The following POLR2B variants were observed in gnomAD, a reference collection of about 807,000 sequenced individuals.
POLR2B encodes the protein RNA polymerase II subunit B, also known as DNA-directed RNA polymerase II subunit RPB2.
POLR2B carries 57 observed loss-of-function variants against 144.6 expected under a neutral mutation model. The observed-to-expected ratio is 0.39, with a 90% CI of 0.32 to 0.49. The LOEUF is 0.49. POLR2B is among the 20% of genes least tolerant of loss of function. POLR2B has a pLI of 0.83. For synonymous variants in POLR2B, 442 were observed against 469.8 expected, an observed-to-expected ratio of 0.94 and a Z score of 0.77; for missense variants, 595 against 1,467.4, an observed-to-expected ratio of 0.41 and a Z score of 9.71.
At chr4:56,992,464 CA>C (rs1209234628) in intron 3 of POLR2B, among the ~76,000 whole-genome samples, 1,573 of 16,894 alleles carry the variant, frequency 0.093, no homozygotes, top group Middle Eastern at 0.25. Context: ...GACTCTGTCT[CA>C]AAAAAAAAAA....
At position 57,015,650 on chromosome 4, in the gene POLR2B, A is replaced by G. The variant is rs766380736; in HGVS notation, c.1949A>G (p.Asn650Ser). Residue 650 changes from asparagine (N) to serine (S), a missense_variant, in exon 14 of 25, where the codon AAC becomes AGC. Transcript: ENST00000314595. ...CAATTGAAAGAGAGAGAATATAACA[A>G]CTATAGGTAAAAACATGCAGTGAGA... is the stretch of plus-strand genomic sequence containing the variant. ...IDQLKEREYN[N>S]YSWQDLVASG... 1 of 1,403,698 alleles carries G rather than the reference A, an allele frequency of 7.1e-7. No individual in the cohort carries two copies. The highest frequency in any genetic ancestry group is 1.8e-5 in the South Asian group (1 of 54,364). 87.0% of individuals were successfully genotyped at this position (1,403,698 alleles called of 1,614,324 possible).
chr4:57,017,362 C>T lies in POLR2B; in HGVS notation c.2154+121C>T, dbSNP rs1418646550. ...TTAATGAAAAGGCTATTAACTCCTA[C>T]GGAATCAGTATTTGATATAATTGCT... On this transcript the variant is annotated intron_variant, in intron 15 of 24. Transcript: ENST00000314595. This position sits in a 1 kb window ranked among gnomAD's most constrained non-coding sequence, Gnocchi z 4.8. The T allele has an allele frequency of 1.4e-5, 11 of 806,548 alleles. No homozygotes were observed. Among genetic ancestry groups the T allele is most frequent in the Admixed American group, 2.4e-5 (1 of 40,862 alleles). The allele number at this position is 806,548 out of a possible 1,614,324, so 50.0% of individuals were successfully genotyped here.
At chr4:57,003,165 C>T in intron 7 of POLR2B, among the ~76,000 whole-genome samples, 1 of 152,206 alleles carries the variant, frequency 6.6e-6, no homozygotes, top group East Asian at 1.9e-4. Flanking sequence ...GGTGCGGTGG[C>T]TCACGCCTGT....
At chr4:56,983,946 C>A (rs1722237966) in intron 1 of POLR2B, among the ~76,000 whole-genome samples, 1 of 151,766 alleles carries the variant, frequency 6.6e-6, no homozygotes, top group Non-Finnish European at 1.5e-5. Flanking sequence ...CTCATTGCAA[C>A]CTCCACCTTC....
chr4:56,981,522 C>T (rs1722157331), intron 1 of POLR2B, among the ~76,000 whole-genome samples: 1 of 152,202 alleles, frequency 6.6e-6, no homozygotes, highest in Admixed American at 6.5e-5. Context: ...ATTTTGCATT[C>T]TTATTAGCAA....
rs372071396 is a variant in POLR2B, at chr4:57,015,538, C to T, written c.1837C>T (p.Arg613Trp). 3.5e-6 allele frequency: 5 copies of T among 1,421,958 alleles called. No individual in the cohort carries two copies. In the African/African-American group the frequency reaches 4.3e-5, roughly 12 times the overall value. The allele number at this position is 1,421,958 out of a possible 1,614,324, so 88.1% of individuals were successfully genotyped here. Reference protein sequence around the residue: ...MIRDIREREIRIYTDAGRICR... With the variant: ...MIRDIREREIWIYTDAGRICR... ...CAGAGATATTCGAGAGAGGGAGATT[C>T]GGATCTATACGGATGCAGGCCGTAT... Residue 613 changes from arginine to tryptophan, a missense_variant, in exon 14 of 25, where the codon CGG becomes TGG. Transcript: ENST00000314595.
chr4:56,988,257 A>G (rs1297701470), intron 2 of POLR2B, among the ~76,000 whole-genome samples: 1 of 151,994 alleles, frequency 6.6e-6, no homozygotes, highest in Non-Finnish European at 1.5e-5. Context: ...GGCCAAGGAG[A>G]TGGACGAGGA....
In POLR2B at chr4:57,025,545, C is replaced by A; in HGVS notation, c.3239+8C>A. ...CATGGAGGGTAGATCTCGGTAAGAA[C>A]TGTATCATCATCATTATTATTAATT... On this transcript the variant is annotated splice_region_variant and intron_variant, in intron 23 of 24. Transcript: ENST00000314595. The A allele has an allele frequency of 6.5e-7, 1 of 1,540,632 alleles. No individual in the cohort carries two copies. Among genetic ancestry groups the A allele is most frequent in the Non-Finnish European group, 8.9e-7 (1 of 1,117,944 alleles).
At chr4:57,028,516 T>G (rs1033063810) in intron 23 of POLR2B, among the ~76,000 whole-genome samples, 2 of 152,164 alleles carry the variant, frequency 1.3e-5, no homozygotes, top group African/African-American at 4.8e-5. Context: ...CTATTTATTT[T>G]CACTGCTTCA....
At chr4:57,028,535 A>AT (rs769113728) in intron 23 of POLR2B, among the ~76,000 whole-genome samples, 8 of 152,148 alleles carry the variant, frequency 5.3e-5, no homozygotes, top group Non-Finnish European at 1.0e-4. Flanking sequence ...CATTAAGGAC[A>AT]TTTTTAAGTA....
chr4:57,019,682 A>G (rs1723478471), intron 16 of POLR2B, among the ~76,000 whole-genome samples: 1 of 151,850 alleles, frequency 6.6e-6, no homozygotes. Context: ...CAGTGTAGCC[A>G]TCAAAATCAG....
chr4:57,000,796 A>T (rs1194195131), intron 7 of POLR2B, among the ~76,000 whole-genome samples: 1 of 151,480 alleles, frequency 6.6e-6, no homozygotes, highest in South Asian at 2.1e-4. Context: ...CCCAGGTTCA[A>T]GTGATTCTCC....
At chr4:57,004,337 C>G (rs1722952456) in intron 7 of POLR2B, among the ~76,000 whole-genome samples, 1 of 141,032 alleles carries the variant, frequency 7.1e-6, no homozygotes, top group Non-Finnish European at 1.5e-5. Flanking sequence ...GCATGAGCCT[C>G]CATTCCCAGC....
At chr4:57,009,860 A>C (rs1262048885) in intron 10 of POLR2B, 1 of 152,260 alleles carries the variant, frequency 6.6e-6, no homozygotes, top group Non-Finnish European at 1.5e-5. Flanking sequence ...TATCTTATTT[A>C]TAAATAAAAT....
chr4:57,025,256 CATT>C, intron 22 of POLR2B, 118 bp from the exon 23 acceptor site: 2 of 791,500 alleles, frequency 2.5e-6, no homozygotes, highest in Non-Finnish European at 4.2e-6. Flanking sequence ...TAATTGCTAA[CATT>C]ATAGATTAGT....
chr4:57,015,471 T>C, intron 13 of POLR2B, 31 bp from the exon 14 acceptor site: 1 of 1,224,944 alleles, frequency 8.2e-7, no homozygotes, highest in Non-Finnish European at 1.1e-6. Context: ...AAATAAAAAT[T>C]TGTGGAACTG....
intron 7 of POLR2B, among the ~76,000 whole-genome samples, chr4:57,004,762 G>T (rs1387204415): frequency 6.6e-6 from 1 of 152,178 alleles, no homozygotes; most frequent in Non-Finnish European, 1.5e-5. Flanking sequence ...TTGGCTCACT[G>T]CATCCTCTGC....
At chr4:57,022,611 G>A (rs957842587) in intron 18 of POLR2B, among the ~76,000 whole-genome samples, 2 of 152,130 alleles carry the variant, frequency 1.3e-5, no homozygotes, top group Non-Finnish European at 2.9e-5. Context: ...CACATTGTTT[G>A]TAAACATTTA....
In POLR2B at chr4:57,023,836, T is replaced by C; in HGVS notation, c.2856+85T>C. On this transcript the variant is annotated intron_variant, in intron 20 of 24. Transcript: ENST00000314595. This position sits in a 1 kb window ranked among gnomAD's most constrained non-coding sequence, Gnocchi z 4.3. Reference sequence around the variant, plus strand: ...TCAAAATTTGCTTTAACTTAAGAGCTCAAAGATGATACAGGTTGAACTTTT... The same window carrying C: ...TCAAAATTTGCTTTAACTTAAGAGCCCAAAGATGATACAGGTTGAACTTTT... 1 of 936,842 alleles carries C rather than the reference T, an allele frequency of 1.1e-6. No individual in the cohort carries two copies. Among genetic ancestry groups the C allele is most frequent in the South Asian group, 1.6e-5 (1 of 61,720 alleles). 58.0% of individuals were successfully genotyped at this position (936,842 alleles called of 1,614,324 possible).
Sources: allele counts gnomAD v4.1 joint callset (sites outside exome capture counted in the v4.1 genomes callset), GRCh38; gene constraint gnomAD v4.1.1; non-coding constraint Gnocchi (gnomAD v3.1); transcripts MANE v1.5; gene names NCBI Gene and HGNC (gene_info 2026-07-23, HGNC 2026-07-21).